NRXN1: variants seen among roughly 807,000 people sequenced by gnomAD.
NRXN1 encodes neurexin 1, also known as neurexin-1.
Under a neutral mutation model 150.9 loss-of-function variants are expected in NRXN1, and 39 were observed. The ratio of observed to expected loss-of-function variants is 0.26; its 90% CI spans 0.20 to 0.34. The LOEUF is 0.34. NRXN1 is among the 10% of genes least tolerant of loss of function. The pLI, the probability that NRXN1 is intolerant of heterozygous loss-of-function variation, is 1.00. For synonymous variants in NRXN1, 924 were observed against 757.0 expected (o/e 1.22, Z -3.62); for missense variants, 1,815 against 1,949.9 (o/e 0.93, Z 1.30).
chr2:50,409,804 T>G (rs2083014570), intron 17 of NRXN1, among the ~76,000 whole-genome samples: 1 of 152,216 alleles, frequency 6.6e-6, no homozygotes, highest in East Asian at 1.9e-4. Flanking sequence ...CTATTAGAAT[T>G]TAGTGCAACC....
At chr2:50,532,018 T>A (rs1474009058) in intron 10 of NRXN1, among the ~76,000 whole-genome samples, 5 of 152,088 alleles carry the variant, frequency 3.3e-5, no homozygotes, top group African/African-American at 1.2e-4. Context: ...GCTAGCTTAT[T>A]ATTAATACTT....
At chr2:50,459,080 T>G (rs2087893225) in intron 17 of NRXN1, among the ~76,000 whole-genome samples, 1 of 152,094 alleles carries the variant, frequency 6.6e-6, no homozygotes, top group South Asian at 2.1e-4. Flanking sequence ...TAGCTAGGCA[T>G]ATCCACAGCA....
At chr2:50,920,994 C>T (rs1685950874) in intron 5 of NRXN1, among the ~76,000 whole-genome samples, 1 of 151,654 alleles carries the variant, frequency 6.6e-6, no homozygotes, top group African/African-American at 2.4e-5. Flanking sequence ...GGTCCCAATT[C>T]ACCAGATTAA....
Position 50,988,910 on chromosome 2 carries a change from C to T in NRXN1, c.772+38592G>A, listed in dbSNP as rs112808011. Among the ~76,000 whole-genome samples, 299 of 152,054 alleles carry T rather than the reference C, an allele frequency of 2.0e-3. 4 individuals carry two copies. The highest frequency in any genetic ancestry group is 6.9e-3 in the African/African-American group (288 of 41,544). On this transcript the variant is annotated intron_variant, in intron 2 of 22. Transcript: ENST00000401669. ...TGGTTGGGGAGATCAAGTGAGATCA[C>T]GGACTCCTGCCTTTACCTCTGCTTT...
intron 18 of NRXN1, among the ~76,000 whole-genome samples, chr2:50,192,616 G>T (rs893147818): frequency 1.3e-5 from 2 of 151,406 alleles, no homozygotes; most frequent in African/African-American, 2.4e-5. Context: ...TTTTTGGGGG[G>T]GGCGGTGGGG....
At chr2:50,813,771 A>G (rs571904705) in intron 5 of NRXN1, among the ~76,000 whole-genome samples, 79 of 152,284 alleles carry the variant, frequency 5.2e-4, no homozygotes, top group Middle Eastern at 3.4e-3. Context: ...CCACATTTCC[A>G]TCTTCCCGCC....
At chr2:50,292,098 C>T (rs1426258516) in intron 17 of NRXN1, among the ~76,000 whole-genome samples, 1 of 152,158 alleles carries the variant, frequency 6.6e-6, no homozygotes, top group East Asian at 1.9e-4. Flanking sequence ...AGTCAGCAAA[C>T]CAAGGTGCTT....
At chr2:51,001,269 C>A (rs1430013414) in intron 2 of NRXN1, among the ~76,000 whole-genome samples, 6 of 149,392 alleles carry the variant, frequency 4.0e-5, no homozygotes, top group Non-Finnish European at 8.9e-5. Flanking sequence ...GAGGACAAGT[C>A]ATTTTCCTAG....
chr2:50,277,824 C>T (rs68019345), intron 17 of NRXN1, among the ~76,000 whole-genome samples: 63,510 of 151,546 alleles, frequency 0.42, 13,557 homozygotes, highest in Middle Eastern at 0.46. Context: ...TATTTTTCTG[C>T]TTTTGATGCA....
intron 5 of NRXN1, among the ~76,000 whole-genome samples, chr2:50,835,026 G>T (rs1026798652): frequency 6.6e-6 from 1 of 152,072 alleles, no homozygotes; most frequent in African/African-American, 2.4e-5. Context: ...AAATTACTAT[G>T]GTTTTCCTTA....
intron 2 of NRXN1, among the ~76,000 whole-genome samples, chr2:50,943,317 T>C (rs2193416): frequency 1.2e-4 from 19 of 152,322 alleles, no homozygotes; most frequent in Non-Finnish European, 2.5e-4. Context: ...AAAGTAATGG[T>C]GGTTTTTGCA....
chr2:50,385,107 T>A (rs1016494659), intron 17 of NRXN1, among the ~76,000 whole-genome samples: 4 of 152,228 alleles, frequency 2.6e-5, no homozygotes, highest in Non-Finnish European at 4.4e-5. Flanking sequence ...TAGCAAGCAC[T>A]TTAGCGTTTA....
chr2:50,514,295 C>A, intron 12 of NRXN1, among the ~76,000 whole-genome samples: 1 of 152,048 alleles, frequency 6.6e-6, no homozygotes, highest in Non-Finnish European at 1.5e-5. Context: ...TATATTTAGA[C>A]CTACAGCACC....
intron 5 of NRXN1, among the ~76,000 whole-genome samples, chr2:50,915,979 A>G (rs1485763195): frequency 6.8e-6 from 1 of 148,122 alleles, no homozygotes; most frequent in Non-Finnish European, 1.5e-5. Flanking sequence ...CAGGACTATT[A>G]CCCATCAGTT....
intron 8 of NRXN1, among the ~76,000 whole-genome samples, chr2:50,572,599 C>A (rs945273818): frequency 2.0e-5 from 3 of 152,098 alleles, no homozygotes; most frequent in African/African-American, 7.2e-5. Flanking sequence ...CTTTTTCTAT[C>A]CCCATTTTCA....
intron 5 of NRXN1, among the ~76,000 whole-genome samples, chr2:50,636,070 A>G (rs1349229360): frequency 6.6e-6 from 1 of 152,182 alleles, no homozygotes; most frequent in East Asian, 1.9e-4. Flanking sequence ...ATTGCCCAGA[A>G]TATCACGATG....
chr2:50,346,199 T>C lies in NRXN1; in HGVS notation c.3365-109229A>G, dbSNP rs2077951573. Among the ~76,000 whole-genome samples, 1 of 152,184 alleles carries C rather than the reference T, an allele frequency of 6.6e-6. No individual in the cohort carries two copies. Among genetic ancestry groups the C allele is most frequent in the African/African-American group, 2.4e-5 (1 of 41,460 alleles). ...CTGTCACTGCAGTCTGGGCGCACTT[T>C]GGAGGAATGTGCGGGCTGGAATCTC... On this transcript the variant is annotated intron_variant, in intron 17 of 22. Coordinates refer to ENST00000401669, the MANE Select transcript of NRXN1 (RefSeq NM_001330078.2). The surrounding 1 kb of genome is among the most constrained non-coding windows in gnomAD (Gnocchi z 5.0).
At chr2:50,936,622 T>C (rs1370363193) in intron 2 of NRXN1, among the ~76,000 whole-genome samples, 1 of 152,056 alleles carries the variant, frequency 6.6e-6, no homozygotes, top group Non-Finnish European at 1.5e-5. Flanking sequence ...ATATTGAAAA[T>C]AATACTTAAC....
intron 21 of NRXN1, among the ~76,000 whole-genome samples, chr2:50,045,858 A>G (rs1691722639): frequency 1.3e-5 from 2 of 152,192 alleles, no homozygotes; most frequent in Admixed American, 6.5e-5. Context: ...AATATCTCCA[A>G]TGCTGATACA....
Sources: gnomAD v4.1 joint callset for allele counts (sites outside exome capture counted in the v4.1 genomes callset) on GRCh38, gnomAD v4.1.1 for gene constraint, Gnocchi (gnomAD v3.1) non-coding constraint, MANE v1.5 for transcripts, NCBI Gene and HGNC (gene_info 2026-07-23, HGNC 2026-07-21) for gene names.